SGCZ: variants seen among roughly 807,000 people sequenced by gnomAD.
SGCZ encodes sarcoglycan zeta, also known as zeta-sarcoglycan.
SGCZ carries 40 observed loss-of-function variants against 41.3 expected under a neutral mutation model. The observed-to-expected ratio is 0.97, with a 90% CI of 0.75 to 1.26. The LOEUF (loss-of-function observed/expected upper bound fraction) is 1.26, where lower values mean the gene tolerates loss of function less well. Ranked by LOEUF, SGCZ falls within the 50% of genes most tolerant of loss-of-function variation. The pLI, the probability that SGCZ is intolerant of heterozygous loss-of-function variation, is 0.00. For synonymous variants in SGCZ, 206 were observed against 137.5 expected (o/e 1.50, Z -3.49); for missense variants, 552 against 369.8 (o/e 1.49, Z -4.04).
chr8:14,239,472 A>G (rs1798781249), intron 3 of SGCZ, among the ~76,000 whole-genome samples: 1 of 152,188 alleles, frequency 6.6e-6, no homozygotes, highest in South Asian at 2.1e-4. Context: ...ATGATATAGC[A>G]TACATGAGTT....
chr8:14,701,997 A>C (rs1267059741), intron 1 of SGCZ, among the ~76,000 whole-genome samples: 1 of 151,902 alleles, frequency 6.6e-6, no homozygotes, highest in Non-Finnish European at 1.5e-5. Context: ...GGTCACGCTC[A>C]AACATTTTTA....
At position 14,249,764 on chromosome 8, in the gene SGCZ, T is replaced by A. The variant is rs182161437; in HGVS notation, c.337-12085A>T. Among the ~76,000 whole-genome samples the A allele has an allele frequency of 9.9e-5, 15 of 152,266 alleles. No homozygotes were observed. The East Asian group carries it at 2.3e-3, about 24-fold the overall frequency. On this transcript the variant is annotated intron_variant, in intron 3 of 7. Coordinates refer to ENST00000382080, the MANE Select transcript of SGCZ (RefSeq NM_139167.4). ...GGGGTGGGGGGAATATTCCTGAGAT[T>A]ACTTTTTCAAATGACTGGAGCGATT... is the stretch of plus-strand genomic sequence containing the variant.
intron 2 of SGCZ, among the ~76,000 whole-genome samples, chr8:14,334,204 G>C (rs1385684632): frequency 6.6e-6 from 1 of 152,010 alleles, no homozygotes; most frequent in Non-Finnish European, 1.5e-5. Context: ...TTAGGGTAAA[G>C]CCTTTTATAG....
intron 1 of SGCZ, among the ~76,000 whole-genome samples, chr8:14,911,091 A>T (rs766330013): frequency 1.3e-5 from 2 of 152,060 alleles, no homozygotes. Flanking sequence ...AACTGTCTTC[A>T]TGAGAAAAGA....
At chr8:14,570,467 T>C (rs569775302) in intron 1 of SGCZ, among the ~76,000 whole-genome samples, 1 of 152,202 alleles carries the variant, frequency 6.6e-6, no homozygotes, top group African/African-American at 2.4e-5. Context: ...CAAGGGTAGA[T>C]TCACCTACCT....
chr8:14,524,891 G>A (rs967803212), intron 2 of SGCZ, among the ~76,000 whole-genome samples: 1 of 151,872 alleles, frequency 6.6e-6, no homozygotes, highest in Non-Finnish European at 1.5e-5. Flanking sequence ...GACATGTTTG[G>A]TCCAGGTCTT....
In SGCZ at chr8:15,015,751, GTGT is replaced by G. The variant is rs1199596564; in HGVS notation, c.39+221831_39+221833del. Among the ~76,000 whole-genome samples, 3 of 150,390 alleles carry G rather than the reference GTGT, an allele frequency of 2.0e-5. No individual in the cohort carries two copies. The East Asian group carries it at 5.9e-4, about 29-fold the overall frequency. On this transcript the variant is annotated intron_variant, in intron 1 of 7. Coordinates refer to ENST00000382080, the MANE Select transcript of SGCZ (RefSeq NM_139167.4). ...CGTGTGTGTGTGTGTGTGTGTGTGT[GTGT>G]GTGTGTGTGTGTGTGTAGTTTAAGC...
Position 14,881,419 on chromosome 8 carries a change from T to C in SGCZ, c.40-326493A>G, listed in dbSNP as rs1004175919. 2.6e-5 allele frequency among the ~76,000 whole-genome samples: 4 copies of C among 152,194 alleles called. No homozygotes were observed. The East Asian group carries it at 5.8e-4, about 22-fold the overall frequency. ...ATTCTCCAGAAAGCAGATTCTAAGA[T>C]AGAATGTAATGAACAGGATGTCTAT... On this transcript the variant is annotated intron_variant, in intron 1 of 7. Coordinates refer to ENST00000382080, the MANE Select transcript of SGCZ (RefSeq NM_139167.4).
intron 2 of SGCZ, among the ~76,000 whole-genome samples, chr8:14,381,551 G>T (rs189127460): frequency 1.3e-5 from 2 of 151,942 alleles, no homozygotes; most frequent in African/African-American, 4.8e-5. Flanking sequence ...CAACCAGGCA[G>T]ATCGCTTGAG....
intron 1 of SGCZ, among the ~76,000 whole-genome samples, chr8:14,668,596 A>C (rs1807990866): frequency 6.6e-6 from 1 of 152,096 alleles, no homozygotes; most frequent in Non-Finnish European, 1.5e-5. Context: ...TCTTTCCTCT[A>C]TGTGTCTTAT....
At chr8:15,025,711 G>A (rs1803429756) in intron 1 of SGCZ, among the ~76,000 whole-genome samples, 1 of 152,168 alleles carries the variant, frequency 6.6e-6, no homozygotes, top group Non-Finnish European at 1.5e-5. Context: ...GGTATGGAGA[G>A]AGAAAATTAG....
At chr8:14,624,828 C>T (rs1806401306) in intron 1 of SGCZ, among the ~76,000 whole-genome samples, 2 of 151,944 alleles carry the variant, frequency 1.3e-5, no homozygotes, top group African/African-American at 4.8e-5. Context: ...GCCATAGCCT[C>T]CCAAAGTGCT....
At chr8:14,741,753 T>A (rs1799204025) in intron 1 of SGCZ, among the ~76,000 whole-genome samples, 1 of 152,036 alleles carries the variant, frequency 6.6e-6, no homozygotes, top group Non-Finnish European at 1.5e-5. Context: ...AATGTGGTAT[T>A]TGAACACCAT....
intron 2 of SGCZ, among the ~76,000 whole-genome samples, chr8:14,468,263 T>C (rs965595893): frequency 6.6e-6 from 1 of 152,078 alleles, no homozygotes; most frequent in Non-Finnish European, 1.5e-5. Flanking sequence ...AGCAGTAATC[T>C]ATTTCATTCA....
intron 2 of SGCZ, among the ~76,000 whole-genome samples, chr8:14,332,114 A>C (rs1802349346): frequency 6.6e-6 from 1 of 152,068 alleles, no homozygotes; most frequent in Non-Finnish European, 1.5e-5. Flanking sequence ...ATTGCTCCAC[A>C]AAAAAATGCA....
At chr8:14,494,299 A>G (rs1801926824) in intron 2 of SGCZ, among the ~76,000 whole-genome samples, 1 of 152,104 alleles carries the variant, frequency 6.6e-6, no homozygotes, top group South Asian at 2.1e-4. Flanking sequence ...TGTTACACAA[A>G]ATAGGGAGCA....
At chr8:15,140,098 G>A (rs1299995711) in intron 1 of SGCZ, among the ~76,000 whole-genome samples, 1 of 151,886 alleles carries the variant, frequency 6.6e-6, no homozygotes, top group Non-Finnish European at 1.5e-5. Flanking sequence ...TTGGCTCTCT[G>A]CAACCATCAC....
intron 2 of SGCZ, among the ~76,000 whole-genome samples, chr8:14,466,806 T>A (rs1255579771): frequency 6.6e-6 from 1 of 151,846 alleles, no homozygotes; most frequent in East Asian, 1.9e-4. Flanking sequence ...TTTGATTTCT[T>A]TTAGGTTTCT....
chr8:14,875,063 C>G (rs967835935), intron 1 of SGCZ, among the ~76,000 whole-genome samples: 1 of 151,996 alleles, frequency 6.6e-6, no homozygotes, highest in East Asian at 1.9e-4. Flanking sequence ...AAATGGAGAC[C>G]AGGTTATTTA....
Sources: gnomAD v4.1 joint callset for allele counts (sites outside exome capture counted in the v4.1 genomes callset) on GRCh38, gnomAD v4.1.1 for gene constraint, MANE v1.5 for transcripts, NCBI Gene and HGNC (gene_info 2026-07-23, HGNC 2026-07-21) for gene names.